NXN: variants seen among roughly 807,000 people sequenced by gnomAD.
NXN encodes the protein nucleoredoxin, also known as nucleoredoxin 1.
Under a neutral mutation model 48.6 loss-of-function variants are expected in NXN, and 16 were observed. The ratio of observed to expected loss-of-function variants is 0.33; its 90% CI spans 0.22 to 0.50. The LOEUF (loss-of-function observed/expected upper bound fraction) is 0.50, where lower values mean the gene tolerates loss of function less well. Ranked by LOEUF, NXN falls within the 20% of genes least tolerant of loss-of-function variation. The pLI, the probability that NXN is intolerant of heterozygous loss-of-function variation, is 0.98. For missense variants in NXN, 492 were observed against 605.5 expected, an observed-to-expected ratio of 0.81 and a Z score of 1.97; for synonymous variants, 281 against 269.6, an observed-to-expected ratio of 1.04 and a Z score of -0.41.
chr17:931,664 G>C, intron 1 of NXN, among the ~76,000 whole-genome samples: 1 of 148,100 alleles, frequency 6.8e-6, no homozygotes, highest in Non-Finnish European at 1.5e-5. Flanking sequence ...GTGAAACCCT[G>C]TCTCTGCTAA....
At chr17:835,795 G>GCCC (rs540801818) in intron 1 of NXN, among the ~76,000 whole-genome samples, 5 of 6,848 alleles carry the variant, frequency 7.3e-4, no homozygotes, top group African/African-American at 1.2e-3. Context: ...GGATTCGTCA[G>GCCC]CCTCATAGAG....
chr17:875,619 T>C (rs1462010075), intron 1 of NXN, among the ~76,000 whole-genome samples: 1 of 151,980 alleles, frequency 6.6e-6, no homozygotes, highest in African/African-American at 2.4e-5. Flanking sequence ...TGTTTTAAGA[T>C]TCTGCTCTGT....
intron 1 of NXN, among the ~76,000 whole-genome samples, chr17:966,236 A>G (rs2069301371): frequency 6.6e-6 from 1 of 152,194 alleles, no homozygotes; most frequent in African/African-American, 2.4e-5. Flanking sequence ...CATGTGGCCC[A>G]GGACAGCTTT....
intron 1 of NXN, among the ~76,000 whole-genome samples, chr17:876,249 G>GAAGAAAAGAGAAAAGAA (rs2068214202): frequency 6.7e-6 from 1 of 150,084 alleles, no homozygotes; most frequent in South Asian, 2.1e-4. Flanking sequence ...GAAGAGAAGA[G>GAAGAAAAGAGAAAAGAA]AAGAAAAGAA....
intron 1 of NXN, among the ~76,000 whole-genome samples, chr17:946,217 GC>G: frequency 2.4e-5 from 1 of 40,878 alleles, no homozygotes; most frequent in Non-Finnish European, 1.5e-4. Flanking sequence ...CTCACTGCAA[GC>G]TCCGCCTCCC....
At chr17:822,529 C>T in intron 3 of NXN, 72 bp from the exon 4 acceptor site, 1 of 1,172,854 alleles carries the variant, frequency 8.5e-7, no homozygotes, top group Non-Finnish European at 1.3e-6. Context: ...CCATCCAAGG[C>T]CGGGTTAGCA....
At chr17:805,924 GA>G (rs1911470936) in intron 5 of NXN, among the ~76,000 whole-genome samples, 1 of 152,166 alleles carries the variant, frequency 6.6e-6, no homozygotes, top group African/African-American at 2.4e-5. Flanking sequence ...CAAAGACACA[GA>G]AGACCTTCCC....
intron 1 of NXN, among the ~76,000 whole-genome samples, chr17:969,778 T>TA (rs1385443343): frequency 1.3e-5 from 2 of 150,542 alleles, no homozygotes; most frequent in East Asian, 1.9e-4. Flanking sequence ...AAAGACAAAT[T>TA]AAAAAAAAAT....
At chr17:823,806 T>G in intron 2 of NXN, 41 bp from the exon 3 acceptor site, 1 of 1,611,420 alleles carries the variant, frequency 6.2e-7, no homozygotes, top group Non-Finnish European at 8.5e-7. Flanking sequence ...CTTAGACCCT[T>G]CTTGATGACC....
chr17:915,026 C>T (rs539297741), intron 1 of NXN, among the ~76,000 whole-genome samples: 7 of 151,970 alleles, frequency 4.6e-5, no homozygotes, highest in African/African-American at 1.7e-4. Flanking sequence ...CTTCTGCCTC[C>T]CAGGTTCAAG....
chr17:803,991 C>T (rs758199156), intron 6 of NXN, 185 bp from the exon 7 acceptor site: 26 of 698,250 alleles, frequency 3.7e-5, no homozygotes, highest in Non-Finnish European at 5.4e-5. Context: ...GCACATGCGT[C>T]CCAGCAGCAA....
At chr17:858,521 A>G (rs1310800626) in intron 1 of NXN, among the ~76,000 whole-genome samples, 1 of 151,430 alleles carries the variant, frequency 6.6e-6, no homozygotes, top group Non-Finnish European at 1.5e-5. Flanking sequence ...AGGTCAGGAG[A>G]TCGAGACCAT....
intron 1 of NXN, among the ~76,000 whole-genome samples, chr17:886,406 T>C (rs1320987652): frequency 6.6e-6 from 1 of 152,160 alleles, no homozygotes; most frequent in Non-Finnish European, 1.5e-5. Flanking sequence ...TAAGATAGAT[T>C]CTGCTGGACA....
At chr17:819,950 A>G (rs1334611245) in intron 4 of NXN, among the ~76,000 whole-genome samples, 2 of 152,166 alleles carry the variant, frequency 1.3e-5, no homozygotes, top group Non-Finnish European at 2.9e-5. Context: ...AACCAACCAT[A>G]TACCTATGAT....
At chr17:848,416 CAG>C (rs1366400128) in intron 1 of NXN, among the ~76,000 whole-genome samples, 2 of 152,238 alleles carry the variant, frequency 1.3e-5, no homozygotes, top group South Asian at 4.1e-4. Context: ...GTTGGGATTA[CAG>C]GCGTGAGCCA....
At chr17:810,550 TTCCTCCC>T (rs1259775267) in intron 5 of NXN, among the ~76,000 whole-genome samples, 1 of 152,130 alleles carries the variant, frequency 6.6e-6, no homozygotes. Context: ...GATCCTTCCG[TTCCTCCC>T]TCCTCCCGGC....
At chr17:859,940 C>T (rs934346243) in intron 1 of NXN, among the ~76,000 whole-genome samples, 5 of 152,098 alleles carry the variant, frequency 3.3e-5, no homozygotes, top group Non-Finnish European at 7.3e-5. Context: ...GAACCAGCAT[C>T]TCAGACCCTT....
chr17:934,176 T>C (rs1433318952), intron 1 of NXN, among the ~76,000 whole-genome samples: 1 of 152,014 alleles, frequency 6.6e-6, no homozygotes, highest in African/African-American at 2.4e-5. Flanking sequence ...CCGGGCGCGG[T>C]GGCTCACGCC....
At chr17:841,435 CGAG>C (rs1567827475) in intron 1 of NXN, among the ~76,000 whole-genome samples, 13 of 125,030 alleles carry the variant, frequency 1.0e-4, no homozygotes, top group Non-Finnish European at 1.5e-4. Context: ...CTCACACGGG[CGAG>C]CAGGTCCCCC....
Sources: allele counts gnomAD v4.1 joint callset (sites outside exome capture counted in the v4.1 genomes callset), GRCh38; gene constraint gnomAD v4.1.1; transcripts MANE v1.5; gene names NCBI Gene and HGNC (gene_info 2026-07-23, HGNC 2026-07-21).